Variants in MDFIC2 observed in about 807,000 individuals in gnomAD.
MDFIC2 encodes myoD family inhibitor domain-containing protein 2.
intron 2 of MDFIC2, among the ~76,000 whole-genome samples, chr3:70,219,934 T>C (rs1301879461): frequency 6.6e-6 from 1 of 152,150 alleles, no homozygotes; most frequent in East Asian, 1.9e-4. Context: ...CTGCGATGTA[T>C]TTCCTGAGCA....
intron 2 of MDFIC2, among the ~76,000 whole-genome samples, chr3:70,211,904 T>C (rs1162543049): frequency 2.0e-5 from 3 of 151,340 alleles, no homozygotes; most frequent in Non-Finnish European, 2.9e-5. Flanking sequence ...TGTCCTTTCC[T>C]TTCCTTTGTC....
At chr3:70,247,219 C>T (rs1210841780) in intron 2 of MDFIC2, among the ~76,000 whole-genome samples, 1 of 151,858 alleles carries the variant, frequency 6.6e-6, no homozygotes, top group Non-Finnish European at 1.5e-5. Flanking sequence ...GGTAGTTTTA[C>T]CTCCATGGTT....
At chr3:70,266,878 G>T (rs943473030) in intron 2 of MDFIC2, among the ~76,000 whole-genome samples, 3 of 152,176 alleles carry the variant, frequency 2.0e-5, no homozygotes, top group African/African-American at 7.2e-5. Flanking sequence ...GGAATCATTC[G>T]TCTGACACAT....
chr3:70,260,509 G>A, intron 2 of MDFIC2, among the ~76,000 whole-genome samples: 1 of 152,020 alleles, frequency 6.6e-6, no homozygotes, highest in East Asian at 1.9e-4. Context: ...ATCATCTTCT[G>A]ATTGTGTTAA....
intron 2 of MDFIC2, among the ~76,000 whole-genome samples, chr3:70,306,083 T>G (rs1471731043): frequency 1.3e-5 from 2 of 152,134 alleles, no homozygotes; most frequent in Admixed American, 1.3e-4. Flanking sequence ...CCTCCAAAAT[T>G]CACCTAAATA....
chr3:70,242,002 C>G (rs1701670392), intron 2 of MDFIC2, among the ~76,000 whole-genome samples: 1 of 152,166 alleles, frequency 6.6e-6, no homozygotes, highest in African/African-American at 2.4e-5. Context: ...GGCACCAACA[C>G]AGTTCTTCTG....
intron 2 of MDFIC2, among the ~76,000 whole-genome samples, chr3:70,309,694 A>T (rs982336900): frequency 2.0e-5 from 3 of 152,204 alleles, no homozygotes; most frequent in African/African-American, 7.2e-5. Context: ...AAAAAAAGAC[A>T]TTTATGTTTG....
chr3:70,202,160 C>T (rs533132377), intron 3 of MDFIC2, among the ~76,000 whole-genome samples: 41 of 152,108 alleles, frequency 2.7e-4, no homozygotes, highest in Non-Finnish European at 5.6e-4. Context: ...GACTAGTGGT[C>T]TATCTGGTAA....
intron 2 of MDFIC2, among the ~76,000 whole-genome samples, chr3:70,254,383 A>G (rs1459225396): frequency 6.6e-6 from 1 of 152,188 alleles, no homozygotes; most frequent in African/African-American, 2.4e-5. Flanking sequence ...TTTGTTTTGT[A>G]CAAGTTGTAC....
chr3:70,214,766 A>G (rs189078843), intron 2 of MDFIC2, among the ~76,000 whole-genome samples: 22 of 152,232 alleles, frequency 1.4e-4, no homozygotes, highest in African/African-American at 4.8e-4. Context: ...AGATAGTTGA[A>G]TCTTCTTCAG....
chr3:70,201,901 A>G lies in MDFIC2; in HGVS notation c.310+4668T>C, dbSNP rs114966170. On this transcript the variant is annotated intron_variant, in intron 3 of 3. Transcript: ENST00000567252. ...GAAGGCAGTAACTGGAACCTGCAAG[A>G]TGGGAGGAAGAGAAAATTCAGGGTG... Among the ~76,000 whole-genome samples the G allele has an allele frequency of 2.5e-3, 387 of 152,300 alleles. 1 individual carries two copies. Among genetic ancestry groups the G allele is most frequent in the Middle Eastern group, 0.014 (4 of 294 alleles).
intron 2 of MDFIC2, among the ~76,000 whole-genome samples, chr3:70,223,124 A>G (rs1433284936): frequency 6.6e-6 from 1 of 152,154 alleles, no homozygotes; most frequent in Non-Finnish European, 1.5e-5. Flanking sequence ...CCTGCTTCTG[A>G]TGATTGTCAT....
At chr3:70,223,961 A>G (rs904234960) in intron 2 of MDFIC2, among the ~76,000 whole-genome samples, 5 of 151,908 alleles carry the variant, frequency 3.3e-5, no homozygotes, top group South Asian at 2.1e-4. Flanking sequence ...TTTCTTGACT[A>G]TAACCTGATA....
intron 2 of MDFIC2, among the ~76,000 whole-genome samples, chr3:70,245,038 T>C (rs1701693722): frequency 6.6e-6 from 1 of 152,158 alleles, no homozygotes; most frequent in Non-Finnish European, 1.5e-5. Flanking sequence ...CTTAGGGGAT[T>C]TGGAATTGCA....
chr3:70,226,185 A>C (rs1269173303), intron 2 of MDFIC2, among the ~76,000 whole-genome samples: 1 of 152,210 alleles, frequency 6.6e-6, no homozygotes, highest in Non-Finnish European at 1.5e-5. Context: ...TTCGATAAAC[A>C]TTTATGAATC....
chr3:70,263,154 C>T (rs1701884336), intron 2 of MDFIC2, among the ~76,000 whole-genome samples: 1 of 152,052 alleles, frequency 6.6e-6, no homozygotes, highest in Admixed American at 6.6e-5. Flanking sequence ...CTATATTTGT[C>T]ATTAATGGTT....
intron 2 of MDFIC2, among the ~76,000 whole-genome samples, chr3:70,260,130 T>A (rs977432927): frequency 3.3e-5 from 5 of 152,192 alleles, no homozygotes; most frequent in Non-Finnish European, 1.5e-5. Context: ...GGCTAGAATC[T>A]GAAATCAAGG....
At chr3:70,265,386 G>A (rs967771088) in intron 2 of MDFIC2, among the ~76,000 whole-genome samples, 2 of 152,138 alleles carry the variant, frequency 1.3e-5, no homozygotes, top group Non-Finnish European at 2.9e-5. Context: ...TGGAGCAAAG[G>A]TAAAGGAAGA....
chr3:70,305,797 G>C (rs1035756107), intron 2 of MDFIC2, among the ~76,000 whole-genome samples: 1 of 152,188 alleles, frequency 6.6e-6, no homozygotes, highest in African/African-American at 2.4e-5. Flanking sequence ...ATGTGGGAAA[G>C]ATTCTCAGTT....
Sources: allele counts gnomAD v4.1 joint callset (sites outside exome capture counted in the v4.1 genomes callset), GRCh38; gene constraint gnomAD v4.1.1; transcripts MANE v1.5; gene names NCBI Gene and HGNC (gene_info 2026-07-23, HGNC 2026-07-21).